MBTPS1: variants seen among roughly 807,000 people sequenced by gnomAD.
MBTPS1 encodes membrane bound transcription factor peptidase, site 1.
In MBTPS1, 94 loss-of-function variants were observed where a neutral mutation model predicts 127.8. The observed-to-expected ratio is 0.74, with a 90% CI of 0.62 to 0.87. The LOEUF is 0.87. Ranked by LOEUF, MBTPS1 falls within the 40% of genes least tolerant of loss-of-function variation. The pLI, the probability that MBTPS1 is intolerant of heterozygous loss-of-function variation, is 0.00. For synonymous variants in MBTPS1, 632 were observed against 509.4 expected (o/e 1.24, Z -3.24); for missense variants, 1,636 against 1,353.2 (o/e 1.21, Z -3.28).
intron 13 of MBTPS1, 36 bp from the exon 14 acceptor site, chr16:84,070,074 T>G: frequency 2.0e-6 from 3 of 1,530,890 alleles, no homozygotes; most frequent in Non-Finnish European, 1.8e-6. Context: ...AACGCCCTCA[T>G]TGTGCAGAAA....
intron 11 of MBTPS1, 82 bp downstream of exon 11, chr16:84,081,665 G>T: frequency 3.6e-6 from 4 of 1,107,220 alleles, no homozygotes; most frequent in Non-Finnish European, 2.4e-6. Context: ...TCTGTTTTGA[G>T]GCTTGTATTT....
At chr16:84,116,371 C>G (rs1252412171) in intron 1 of MBTPS1, among the ~76,000 whole-genome samples, 1 of 152,244 alleles carries the variant, frequency 6.6e-6, no homozygotes, top group African/African-American at 2.4e-5. Context: ...CGAGATAAGG[C>G]AAAGAATCGA....
At chr16:84,094,781 G>A (rs754310870) in intron 4 of MBTPS1, among the ~76,000 whole-genome samples, 38 of 152,226 alleles carry the variant, frequency 2.5e-4, no homozygotes, top group Admixed American at 3.9e-4. Flanking sequence ...AAACCATGGG[G>A]AGACACACAT....
chr16:84,084,386 A>G (rs564508174), intron 10 of MBTPS1, among the ~76,000 whole-genome samples: 49 of 152,352 alleles, frequency 3.2e-4, no homozygotes, highest in African/African-American at 1.0e-3. Flanking sequence ...TGGCTCTGAC[A>G]TCCTTTGCTA....
rs780423511 is a variant in MBTPS1 at position 84,095,775 on chromosome 16, C to A, written c.452G>T (p.Arg151Leu). The A allele has an allele frequency of 6.2e-7, 1 of 1,614,026 alleles. No homozygotes were observed. Among genetic ancestry groups the A allele is most frequent in the Non-Finnish European group, 8.5e-7 (1 of 1,179,980 alleles). ...SDPTVPCNET[R>L]WSQKWQSSRP... is the part of the protein sequence containing the mutation. ...TGATGATTGCCACTTCTGGCTCCAC[C>A]GGGTTTCATTGCAGGGTACTGTGGG... Residue 151 changes from arginine (R) to leucine (L), a missense_variant, in exon 4 of 23, where the codon CGG becomes CTG. Transcript: ENST00000343411.
At position 84,084,987 on chromosome 16, in the gene MBTPS1, C is replaced by G; in HGVS notation, c.1282G>C (p.Val428Leu). ...PVVAGAVTLLVSTVQKRELVN... is the reference protein window; with the variant it reads ...PVVAGAVTLLLSTVQKRELVN... ...TCTCTAGGGGGCAGCACTCACCTCACTAACAAGGTGACAGCACCTGCAACC... is the reference window on the plus strand; with the variant it reads ...TCTCTAGGGGGCAGCACTCACCTCAGTAACAAGGTGACAGCACCTGCAACC... Residue 428 changes from valine (V) to leucine (L), a missense_variant, in exon 10 of 23, where the codon GTG becomes CTG. Coordinates refer to ENST00000343411, the MANE Select transcript of MBTPS1 (RefSeq NM_003791.4). 1.2e-6 allele frequency: 2 copies of G among 1,613,942 alleles called. No individual in the cohort carries two copies. Among genetic ancestry groups the G allele is most frequent in the Non-Finnish European group, 1.7e-6 (2 of 1,179,952 alleles).
At chr16:84,078,232 G>T (rs112261637) in intron 11 of MBTPS1, among the ~76,000 whole-genome samples, 2 of 133,908 alleles carry the variant, frequency 1.5e-5, no homozygotes, top group Non-Finnish European at 3.2e-5. Context: ...GGGCGCTCTC[G>T]ACCCGGACCA....
At chr16:84,094,719 A>T (rs1006994373) in intron 4 of MBTPS1, among the ~76,000 whole-genome samples, 1 of 152,194 alleles carries the variant, frequency 6.6e-6, no homozygotes, top group Non-Finnish European at 1.5e-5. Context: ...ATAAAAAATT[A>T]TTTCTCATGA....
Position 84,099,152 on chromosome 16 carries a change from CT to C in MBTPS1, c.321del (p.Glu108LysfsTer8). Reference protein sequence around the residue: ...YPSDFEVIQIKEKQKAGLLTL... With the variant: ...YPSDFEVIQIXEKQKAGLLTL... ...GTTAGCAGCCCCGCTTTCTGTTTTT[CT>C]TTTATCTGAATCACCTCAAAATCAC... On this transcript the variant is annotated frameshift_variant, in exon 3 of 23. Coordinates refer to ENST00000343411, the MANE Select transcript of MBTPS1 (RefSeq NM_003791.4). LOFTEE classifies it high-confidence loss of function. 1.2e-6 allele frequency: 2 copies of C among 1,614,114 alleles called. No homozygotes were observed.
chr16:84,101,701 T>G lies in MBTPS1; in HGVS notation c.83A>C (p.Lys28Thr). The change falls in exon 2 of 23, where the codon AAA becomes ACA. Residue 28 changes from lysine (K) to threonine (T), a missense_variant. By Grantham distance (78) the Lys-to-Thr change is moderately conservative. Transcript: ENST00000343411. Reference protein sequence around the residue: ...KKHLGDRLEKKSFEKAPCPGC... With the variant: ...KKHLGDRLEKTSFEKAPCPGC... ...AGGGCATGGGGCCTTTTCAAAAGATTTCTTTTCCAGTCTGTCGCCCAGATG... is the reference window on the plus strand; with the variant it reads ...AGGGCATGGGGCCTTTTCAAAAGATGTCTTTTCCAGTCTGTCGCCCAGATG... 1 of 1,614,168 alleles carries G rather than the reference T, an allele frequency of 6.2e-7. No individual in the cohort carries two copies. The highest frequency in any genetic ancestry group is 8.5e-7 in the Non-Finnish European group (1 of 1,180,028).
chr16:84,093,640 C>T (rs1392257233), intron 5 of MBTPS1, 71 bp downstream of exon 5: 1 of 1,059,052 alleles, frequency 9.4e-7, no homozygotes, highest in Non-Finnish European at 1.5e-6. Context: ...GCTGGACAGA[C>T]TGTGGAATCA....
intron 11 of MBTPS1, among the ~76,000 whole-genome samples, chr16:84,077,012 G>A (rs2085864697): frequency 6.6e-6 from 1 of 152,128 alleles, no homozygotes; most frequent in South Asian, 2.1e-4. Flanking sequence ...GACGGCTTGA[G>A]CCCAGGAGTT....
intron 14 of MBTPS1, 72 bp downstream of exon 14, chr16:84,069,794 G>C: frequency 2.2e-6 from 3 of 1,365,024 alleles, no homozygotes; most frequent in Admixed American, 4.2e-5. Flanking sequence ...CTTTCCAAGA[G>C]TTGCGGGAAC....
chr16:84,078,533 T>C (rs2085893838), intron 11 of MBTPS1, among the ~76,000 whole-genome samples: 1 of 151,990 alleles, frequency 6.6e-6, no homozygotes, highest in Admixed American at 6.6e-5. Context: ...CTCTCAATGC[T>C]GAGCAGGGTA....
chr16:84,097,836 T>TTG (rs1567499373), intron 3 of MBTPS1, among the ~76,000 whole-genome samples: 8 of 85,346 alleles, frequency 9.4e-5, no homozygotes, highest in African/African-American at 3.3e-4. Context: ...AAACTTCTCT[T>TTG]CGTGTGTGTG....
At chr16:84,078,604 G>C (rs1172728991) in intron 11 of MBTPS1, among the ~76,000 whole-genome samples, 1 of 152,204 alleles carries the variant, frequency 6.6e-6, no homozygotes, top group Non-Finnish European at 1.5e-5. Flanking sequence ...ACAGGCCTGA[G>C]GTTATTCACT....
intron 12 of MBTPS1, chr16:84,072,052 C>T (rs1343403402): frequency 6.6e-6 from 1 of 152,244 alleles, no homozygotes; most frequent in African/African-American, 2.4e-5. Flanking sequence ...GAAAGATGTA[C>T]CACCTAGAAT....
chr16:84,066,719 C>T, intron 16 of MBTPS1, 106 bp from the exon 17 acceptor site: 1 of 1,131,834 alleles, frequency 8.8e-7, no homozygotes, highest in Non-Finnish European at 1.2e-6. Context: ...ACAATCCAGT[C>T]CTTCCACACT....
intron 6 of MBTPS1, 123 bp from the exon 7 acceptor site, chr16:84,091,971 AC>A: frequency 1.6e-6 from 1 of 637,980 alleles, no homozygotes; most frequent in Non-Finnish European, 2.8e-6. Flanking sequence ...TTTACTTAAA[AC>A]CAGAAATGAA....
Sources: gnomAD v4.1 joint callset for allele counts (sites outside exome capture counted in the v4.1 genomes callset) on GRCh38, gnomAD v4.1.1 for gene constraint, MANE v1.5 for transcripts, NCBI Gene and HGNC (gene_info 2026-07-23, HGNC 2026-07-21) for gene names.